GALNTL6: variants seen among roughly 807,000 people sequenced by gnomAD.
GALNTL6 encodes the protein polypeptide N-acetylgalactosaminyltransferase like 6.
Under a neutral mutation model 73.7 loss-of-function variants are expected in GALNTL6, and 46 were observed. The ratio of observed to expected loss-of-function variants is 0.62; its 90% confidence interval spans 0.49 to 0.80. The LOEUF (loss-of-function observed/expected upper bound fraction) is 0.80, where lower values mean the gene tolerates loss of function less well. GALNTL6 is among the 30% of genes least tolerant of loss of function. The pLI, the probability that GALNTL6 is intolerant of heterozygous loss-of-function variation, is 0.00. For missense variants in GALNTL6, 604 were observed against 755.0 expected (o/e 0.80, Z 2.34); for synonymous variants, 259 against 263.7 (o/e 0.98, Z 0.17).
At chr4:172,481,935 G>T (rs1175716050) in intron 5 of GALNTL6, among the ~76,000 whole-genome samples, 1 of 152,218 alleles carries the variant, frequency 6.6e-6, no homozygotes, top group Non-Finnish European at 1.5e-5. Context: ...AGGGAGCAGG[G>T]GGCAGTGCCC....
intron 2 of GALNTL6, among the ~76,000 whole-genome samples, chr4:171,958,996 C>T (rs1171246513): frequency 6.6e-6 from 1 of 152,040 alleles, no homozygotes; most frequent in Non-Finnish European, 1.5e-5. Context: ...CTGAAATAAA[C>T]TTAAAGGAAA....
intron 2 of GALNTL6, among the ~76,000 whole-genome samples, chr4:172,009,284 C>T (rs77472055): frequency 0.022 from 3,386 of 152,074 alleles, 45 homozygotes; most frequent in Non-Finnish European, 0.034. Flanking sequence ...AGGTCTGACT[C>T]TAGAGATTAT....
chr4:172,510,205 T>C lies in GALNTL6; in HGVS notation c.553+161516T>C, dbSNP rs1292708662. 3.6e-5 allele frequency among the ~76,000 whole-genome samples: 2 copies of C among 54,850 alleles called. 1 individual carries two copies. The highest frequency in any genetic ancestry group is 8.4e-5 in the Non-Finnish European group (2 of 23,700). 36.0% of individuals were successfully genotyped at this position (54,850 alleles called of 152,430 possible). A position where few individuals can be genotyped will look rare whatever the true frequency, so the allele number is the denominator to read the frequency against. The stretch of plus-strand genomic sequence containing the variant: ...TATTTTATTTTACTTTTGCAACTAG[T>C]ATAAAAAGGGGTTGAGTTCTTGAAT... On this transcript the variant is annotated intron_variant, in intron 5 of 12. Transcript: ENST00000506823.
intron 2 of GALNTL6, among the ~76,000 whole-genome samples, chr4:172,188,540 C>A (rs768257378): frequency 1.3e-5 from 2 of 152,102 alleles, no homozygotes; most frequent in Non-Finnish European, 2.9e-5. Flanking sequence ...GTCATGGGGA[C>A]GCCAACTGCA....
intron 2 of GALNTL6, among the ~76,000 whole-genome samples, chr4:171,985,077 T>A (rs1473074876): frequency 2.0e-5 from 3 of 152,158 alleles, no homozygotes; most frequent in African/African-American, 7.2e-5. Flanking sequence ...ATGTTTTTTT[T>A]AGAGCTCTCC....
intron 5 of GALNTL6, among the ~76,000 whole-genome samples, chr4:172,414,730 A>C (rs1370064140): frequency 6.6e-6 from 1 of 152,154 alleles, no homozygotes; most frequent in African/African-American, 2.4e-5. Flanking sequence ...TAACTCCGTC[A>C]CCTACTGAGG....
intron 2 of GALNTL6, among the ~76,000 whole-genome samples, chr4:171,977,612 C>T (rs975643641): frequency 3.7e-4 from 57 of 152,044 alleles, no homozygotes; most frequent in African/African-American, 1.4e-3. Flanking sequence ...CTTTAAAGAG[C>T]CTATCTGTAA....
intron 2 of GALNTL6, among the ~76,000 whole-genome samples, chr4:172,099,994 G>A (rs553769598): frequency 2.6e-5 from 4 of 152,102 alleles, no homozygotes; most frequent in African/African-American, 7.2e-5. Context: ...TTCTCATCTT[G>A]ACTCAGTAAC....
intron 5 of GALNTL6, among the ~76,000 whole-genome samples, chr4:172,588,923 A>T (rs1737530835): frequency 6.6e-6 from 1 of 152,218 alleles, no homozygotes; most frequent in Non-Finnish European, 1.5e-5. Flanking sequence ...AAAATGGCTT[A>T]AAAATGTTCA....
At chr4:172,281,635 CAGG>C (rs1739061292) in intron 3 of GALNTL6, among the ~76,000 whole-genome samples, 1 of 152,100 alleles carries the variant, frequency 6.6e-6, no homozygotes, top group South Asian at 2.1e-4. Context: ...CGTTTGAACC[CAGG>C]AGGAGGAGGT....
chr4:171,855,330 A>G (rs1324175683), intron 2 of GALNTL6, among the ~76,000 whole-genome samples: 2 of 152,158 alleles, frequency 1.3e-5, no homozygotes, highest in African/African-American at 4.8e-5. Flanking sequence ...CTGTCTCTAT[A>G]GTTTTACCTT....
intron 5 of GALNTL6, among the ~76,000 whole-genome samples, chr4:172,559,058 ATTTT>A (rs71592081): frequency 1.7e-3 from 133 of 77,382 alleles, no homozygotes; most frequent in African/African-American, 6.7e-3. Context: ...ATGATAATGG[ATTTT>A]TTTTTTTTTT....
intron 7 of GALNTL6, among the ~76,000 whole-genome samples, chr4:172,835,533 T>C (rs752215013): frequency 5.3e-5 from 8 of 152,164 alleles, no homozygotes; most frequent in African/African-American, 1.9e-4. Flanking sequence ...TTAAATCTAA[T>C]CTTTAAAATG....
intron 5 of GALNTL6, among the ~76,000 whole-genome samples, chr4:172,530,044 C>T (rs1735118464): frequency 6.6e-6 from 1 of 151,686 alleles, no homozygotes; most frequent in Admixed American, 6.6e-5. Context: ...GCCTGGCCCC[C>T]TAATTCATTT....
At chr4:172,516,968 A>G (rs1435738086) in intron 5 of GALNTL6, among the ~76,000 whole-genome samples, 1 of 152,176 alleles carries the variant, frequency 6.6e-6, no homozygotes, top group Admixed American at 6.5e-5. Context: ...TATGTGAGGT[A>G]TCTACAGCAG....
intron 10 of GALNTL6, among the ~76,000 whole-genome samples, chr4:172,977,566 AG>A (rs1294571863): frequency 6.6e-6 from 1 of 152,228 alleles, no homozygotes; most frequent in Non-Finnish European, 1.5e-5. Context: ...TTTATTGTAA[AG>A]GAAAAAGAAT....
chr4:172,484,843 A>C (rs1579116924), intron 5 of GALNTL6, among the ~76,000 whole-genome samples: 1 of 152,166 alleles, frequency 6.6e-6, no homozygotes, highest in Non-Finnish European at 1.5e-5. Flanking sequence ...ATAGGACTCA[A>C]TATAACCTTG....
intron 10 of GALNTL6, among the ~76,000 whole-genome samples, chr4:172,974,816 C>A (rs1209042723): frequency 2.6e-5 from 4 of 152,226 alleles, no homozygotes; most frequent in Admixed American, 6.5e-5. Context: ...GGGCAGGCAG[C>A]TCCAGGCACC....
chr4:172,957,963 A>C (rs918688891), intron 10 of GALNTL6, among the ~76,000 whole-genome samples: 11 of 152,214 alleles, frequency 7.2e-5, no homozygotes, highest in Admixed American at 2.6e-4. Flanking sequence ...GGGGAAATGG[A>C]GTGAATGTCA....
Sources: gnomAD v4.1 joint callset for allele counts (sites outside exome capture counted in the v4.1 genomes callset) on GRCh38, gnomAD v4.1.1 for gene constraint, MANE v1.5 for transcripts, NCBI Gene and HGNC (gene_info 2026-07-23, HGNC 2026-07-21) for gene names.